The following ZNF610 variants were observed in gnomAD, a reference collection of about 807,000 sequenced individuals.
The protein encoded by ZNF610 is zink finger protein.
ZNF610 carries 14 observed loss-of-function variants against 14.1 expected under a neutral mutation model. The ratio of observed to expected loss-of-function variants is 0.99; its 90% CI spans 0.65 to 1.55. ZNF610 has a LOEUF of 1.55. ZNF610 is among the 40% of genes most tolerant of loss of function. The pLI is 0.00. For synonymous variants in ZNF610, 185 were observed against 187.6 expected, an observed-to-expected ratio of 0.99 and a Z score of 0.11; for missense variants, 530 against 558.0, an observed-to-expected ratio of 0.95 and a Z score of 0.51.
In ZNF610 at chr19:52,336,393, T is replaced by C; in HGVS notation, c.-371T>C. 5.0e-6 allele frequency: 1 copy of C among 201,656 alleles called. No individual in the cohort carries two copies. Among genetic ancestry groups the C allele is most frequent in the Non-Finnish European group, 9.9e-6 (1 of 100,744 alleles). 12.5% of individuals were successfully genotyped at this position (201,656 alleles called of 1,614,324 possible). A position where few individuals can be genotyped will look rare whatever the true frequency, so the allele number is the denominator to read the frequency against. Reference sequence around the variant, plus strand: ...ACAGACCTTGAAATCCCCGCACCGCTCCCTCCACCCCGTGTAAATTCAGGC... The same window carrying C: ...ACAGACCTTGAAATCCCCGCACCGCCCCCTCCACCCCGTGTAAATTCAGGC... On this transcript the variant is annotated 5_prime_UTR_variant, in exon 1 of 6. Coordinates refer to ENST00000403906, the MANE Select transcript of ZNF610 (RefSeq NM_001161425.2).
At chr19:52,355,073 T>C (rs2122242588) in intron 5 of ZNF610, among the ~76,000 whole-genome samples, 1 of 152,328 alleles carries the variant, frequency 6.6e-6, no homozygotes, top group East Asian at 1.9e-4. Context: ...AAAAGCAAAG[T>C]CTTTATCCTG....
chr19:52,356,340 C>T (rs1167120175), intron 5 of ZNF610, among the ~76,000 whole-genome samples: 2 of 152,152 alleles, frequency 1.3e-5, no homozygotes, highest in Non-Finnish European at 2.9e-5. Flanking sequence ...GGGAACATGG[C>T]ACAAAATAGC....
Position 52,367,004 on chromosome 19 carries a change from GTATAGCATATTCTTGAGTAGGATTCACA to G in ZNF610, c.*239_*266del. ...ATAGAGCATTTAATGAAAACTACCA[GTATAGCATATTCTTGAGTAGGATTCACA>G]TTTAACTGCTGGCACCGTAATTTGT... is the stretch of plus-strand genomic sequence containing the variant. On this transcript the variant is annotated 3_prime_UTR_variant, in exon 6 of 6. Coordinates refer to ENST00000403906, the MANE Select transcript of ZNF610 (RefSeq NM_001161425.2). 1 of 448,766 alleles carries G rather than the reference GTATAGCATATTCTTGAGTAGGATTCACA, an allele frequency of 2.2e-6. No homozygotes were observed. Among genetic ancestry groups the G allele is most frequent in the Non-Finnish European group, 3.9e-6 (1 of 257,064 alleles). 27.8% of individuals were successfully genotyped at this position (448,766 alleles called of 1,614,324 possible).
chr19:52,341,501 G>C lies in ZNF610; in HGVS notation c.-258+4995G>C, dbSNP rs186036468. ...ATTTTTGTATTTTTAGTAGAGACGG[G>C]GTTTCACCATGTTGGCCAAGATTGT... On this transcript the variant is annotated intron_variant, in intron 1 of 5. Transcript: ENST00000403906. 2.6e-5 allele frequency among the ~76,000 whole-genome samples: 4 copies of C among 152,004 alleles called. No individual in the cohort carries two copies. In the East Asian group the frequency reaches 7.8e-4, roughly 29 times the overall value.
the ZNF610 span, among the ~76,000 whole-genome samples, chr19:52,331,145 GAC>G: frequency 4.6e-5 from 7 of 152,182 alleles, no homozygotes; most frequent in Non-Finnish European, 8.8e-5. Flanking sequence ...AAACCTGACA[GAC>G]ACAGCCTCAG....
chr19:52,342,943 T>C (rs900624611), intron 1 of ZNF610, among the ~76,000 whole-genome samples: 1 of 152,096 alleles, frequency 6.6e-6, no homozygotes, highest in African/African-American at 2.4e-5. Context: ...TACCTTTCCT[T>C]ATGATCTCGT....
At chr19:52,359,770 C>T (rs112029641) in intron 5 of ZNF610, among the ~76,000 whole-genome samples, 2,904 of 152,174 alleles carry the variant, frequency 0.019, 108 homozygotes, top group African/African-American at 0.066. Context: ...TCAGATCCCA[C>T]GGGTTGAGGG....
chr19:52,341,449 A>G (rs550837322), intron 1 of ZNF610, among the ~76,000 whole-genome samples: 32 of 152,000 alleles, frequency 2.1e-4, no homozygotes, highest in African/African-American at 7.7e-4. Flanking sequence ...AGCTGGGATT[A>G]CAAGCACACG....
chr19:52,349,306 C>G (rs1003402580), intron 3 of ZNF610, 71 bp downstream of exon 3: 5 of 1,504,350 alleles, frequency 3.3e-6, no homozygotes, highest in African/African-American at 1.4e-5. Context: ...CTGCCTGACA[C>G]GTTTGCTCAC....
upstream of ZNF610, among the ~76,000 whole-genome samples, chr19:52,334,614 C>T (rs1194371104): frequency 6.6e-6 from 1 of 151,992 alleles, no homozygotes; most frequent in East Asian, 1.9e-4. Flanking sequence ...CCAATTTTGA[C>T]AGTAGTAGAG....
chr19:52,355,658 T>C (rs1985488771), intron 5 of ZNF610, among the ~76,000 whole-genome samples: 1 of 152,244 alleles, frequency 6.6e-6, no homozygotes, highest in South Asian at 2.1e-4. Flanking sequence ...GTCACCTTTC[T>C]GTCTGACCAA....
intron 1 of ZNF610, among the ~76,000 whole-genome samples, chr19:52,341,878 AC>A (rs2052512312): frequency 6.6e-6 from 1 of 151,958 alleles, no homozygotes; most frequent in African/African-American, 2.4e-5. Flanking sequence ...TGGCATAATC[AC>A]AGCTCACTGC....
intron 5 of ZNF610, among the ~76,000 whole-genome samples, chr19:52,363,172 C>G (rs1985866098): frequency 1.3e-5 from 2 of 151,480 alleles, no homozygotes; most frequent in Non-Finnish European, 2.9e-5. Context: ...GTTGCCTACC[C>G]AGGCTGGAGG....
upstream of ZNF610, among the ~76,000 whole-genome samples, chr19:52,335,165 CGTG>C (rs1262644271): frequency 6.6e-6 from 1 of 151,562 alleles, no homozygotes. Flanking sequence ...ATTAGGCGGG[CGTG>C]GTGGTGGGTG....
upstream of ZNF610, among the ~76,000 whole-genome samples, chr19:52,335,556 C>T (rs918696462): frequency 6.6e-6 from 1 of 152,112 alleles, no homozygotes; most frequent in Non-Finnish European, 1.5e-5. Context: ...AAGGCAGACC[C>T]ACCTCAATTT....
chr19:52,345,409 A>G, intron 1 of ZNF610: 1 of 152,188 alleles, frequency 6.6e-6, no homozygotes, highest in Non-Finnish European at 1.5e-5. Flanking sequence ...TGCTGGGGGA[A>G]ACGAACCTAG....
intron 3 of ZNF610, among the ~76,000 whole-genome samples, chr19:52,349,894 G>A (rs35615877): frequency 3.2e-3 from 485 of 152,270 alleles, no homozygotes; most frequent in Admixed American, 6.1e-3. Context: ...ATGCACACAA[G>A]TACCTGGTAC....
intron 1 of ZNF610, among the ~76,000 whole-genome samples, chr19:52,343,540 T>C (rs1984786527): frequency 6.8e-6 from 1 of 148,060 alleles, no homozygotes; most frequent in African/African-American, 2.5e-5. Context: ...GCACTTCAGC[T>C]TGGGTGACAG....
Position 52,365,807 on chromosome 19 carries a change from G to A in ZNF610, c.429G>A (p.Arg143=). 6.2e-7 allele frequency: 1 copy of A among 1,614,152 alleles called. No individual in the cohort carries two copies. The highest frequency in any genetic ancestry group is 8.5e-7 in the Non-Finnish European group (1 of 1,180,026). ...AATTGCAGCTGTTTCAAGCCGGAAG[G>A]AAAATTTACAGAAGTAATCAAGTTG... ...LSELQLFQAG[R]KIYRSNQVEK... is the part of the protein sequence containing the mutation. The change falls in exon 6 of 6, where the codon AGG becomes AGA. Residue 143 remains arginine, a synonymous_variant. Coordinates refer to ENST00000403906, the MANE Select transcript of ZNF610 (RefSeq NM_001161425.2).
Sources: allele counts gnomAD v4.1 joint callset (sites outside exome capture counted in the v4.1 genomes callset), GRCh38; gene constraint gnomAD v4.1.1; transcripts MANE v1.5; gene names NCBI Gene and HGNC (gene_info 2026-07-23, HGNC 2026-07-21).